PTPRK: variants seen among roughly 807,000 people sequenced by gnomAD.
PTPRK encodes protein tyrosine phosphatase receptor type K.
A neutral mutation model predicts 178.0 loss-of-function variants in PTPRK; 75 were observed. The observed-to-expected ratio is 0.42, with a 90% CI of 0.35 to 0.51. The LOEUF is 0.51. Among genes scored for constraint, PTPRK ranks in the 20% least tolerant of loss-of-function variants. The pLI is 0.02. For missense variants in PTPRK, 1,441 were observed against 1,797.8 expected (o/e 0.80, Z 3.59); for synonymous variants, 637 against 620.6 (o/e 1.03, Z -0.39).
chr6:128,006,894 T>C (rs1778491004), intron 14 of PTPRK, among the ~76,000 whole-genome samples: 1 of 150,928 alleles, frequency 6.6e-6, no homozygotes, highest in African/African-American at 2.4e-5. Flanking sequence ...TATACACCAT[T>C]CTTTTGCAAA....
chr6:128,006,286 A>G (rs1778406653), intron 14 of PTPRK, among the ~76,000 whole-genome samples: 1 of 151,152 alleles, frequency 6.6e-6, no homozygotes, highest in African/African-American at 2.4e-5. Flanking sequence ...AAAATACATA[A>G]TTTGGAAAAA....
rs996709921 is a variant in PTPRK at position 128,272,686 on chromosome 6, G to A, written c.496-30084C>T. On this transcript the variant is annotated intron_variant, in intron 3 of 29. Coordinates refer to ENST00000368226, the MANE Select transcript of PTPRK (RefSeq NM_002844.4). Reference sequence around the variant, plus strand: ...GCCATCTCACACCAGTTAGAATGGCGATCATTAAAAAGTCAGGAAACAACA... The same window carrying A: ...GCCATCTCACACCAGTTAGAATGGCAATCATTAAAAAGTCAGGAAACAACA... Among the ~76,000 whole-genome samples, 6 of 152,196 alleles carry A rather than the reference G, an allele frequency of 3.9e-5. No homozygotes were observed. The East Asian group carries it at 9.7e-4, about 25-fold the overall frequency.
intron 1 of PTPRK, among the ~76,000 whole-genome samples, chr6:128,497,784 T>TTC (rs1445181449): frequency 1.3e-5 from 2 of 152,086 alleles, no homozygotes; most frequent in African/African-American, 4.8e-5. Context: ...AGGTTGTTTT[T>TTC]TTTTTTCCTT....
chr6:128,119,756 T>C (rs917735668), intron 7 of PTPRK, among the ~76,000 whole-genome samples: 1 of 152,028 alleles, frequency 6.6e-6, no homozygotes, highest in African/African-American at 2.4e-5. Flanking sequence ...GTAACTGCAA[T>C]GCTTAGGAGA....
At chr6:128,028,202 T>C (rs372230270) in intron 13 of PTPRK, among the ~76,000 whole-genome samples, 2 of 152,140 alleles carry the variant, frequency 1.3e-5, no homozygotes, top group African/African-American at 4.8e-5. Context: ...GGTAAAATAG[T>C]AACTACAAAT....
At chr6:128,040,298 A>AT (rs1382312490) in intron 13 of PTPRK, among the ~76,000 whole-genome samples, 7 of 152,112 alleles carry the variant, frequency 4.6e-5, no homozygotes, top group South Asian at 2.1e-4. Context: ...TATTTATTTT[A>AT]TTTTTTTTAA....
intron 2 of PTPRK, among the ~76,000 whole-genome samples, chr6:128,383,093 A>T (rs921619714): frequency 4.6e-5 from 7 of 152,188 alleles, no homozygotes; most frequent in African/African-American, 1.4e-4. Context: ...AGAAATAGTC[A>T]CCACTGCTAA....
chr6:128,313,207 T>A lies in PTPRK; in HGVS notation c.495+8832A>T, dbSNP rs568277763. ...GTCACTTACCCTCTGTCAGCCCTTA[T>A]CTCTAAAATAAAAATAGTTGTACTT... On this transcript the variant is annotated intron_variant, in intron 3 of 29. Coordinates refer to ENST00000368226, the MANE Select transcript of PTPRK (RefSeq NM_002844.4). Among the ~76,000 whole-genome samples the A allele has an allele frequency of 2.6e-5, 4 of 152,184 alleles. No homozygotes were observed. The South Asian group carries it at 8.3e-4, about 32-fold the overall frequency.
intron 13 of PTPRK, among the ~76,000 whole-genome samples, chr6:128,049,732 C>T (rs921890420): frequency 2.6e-5 from 4 of 152,234 alleles, no homozygotes; most frequent in South Asian, 4.1e-4. Flanking sequence ...AACAAATAAT[C>T]GCAGTATAAA....
intron 1 of PTPRK, among the ~76,000 whole-genome samples, chr6:128,490,958 C>A (rs983386476): frequency 1.3e-5 from 2 of 152,176 alleles, no homozygotes; most frequent in Admixed American, 6.5e-5. Context: ...CTTATGACAT[C>A]ATTTAACCTT....
At chr6:128,489,852 G>C (rs1853509887) in intron 1 of PTPRK, among the ~76,000 whole-genome samples, 2 of 152,132 alleles carry the variant, frequency 1.3e-5, no homozygotes, top group South Asian at 2.1e-4. Context: ...TATGTATGCA[G>C]TATAATCCAT....
intron 3 of PTPRK, among the ~76,000 whole-genome samples, chr6:128,298,564 T>C (rs1824930160): frequency 6.6e-6 from 1 of 152,110 alleles, no homozygotes; most frequent in Admixed American, 6.5e-5. Flanking sequence ...GCTGGTTCAA[T>C]ATACACAAAT....
At chr6:128,409,941 C>T (rs141278391) in intron 1 of PTPRK, among the ~76,000 whole-genome samples, 8,548 of 152,156 alleles carry the variant, frequency 0.056, 279 homozygotes, top group Non-Finnish European at 0.068. Context: ...TTATCAGCAG[C>T]GTGAAAATGG....
At chr6:128,430,568 T>C (rs1844706715) in intron 1 of PTPRK, among the ~76,000 whole-genome samples, 1 of 152,106 alleles carries the variant, frequency 6.6e-6, no homozygotes, top group Non-Finnish European at 1.5e-5. Context: ...AGAGAGGACA[T>C]GATAACTAGT....
intron 3 of PTPRK, among the ~76,000 whole-genome samples, chr6:128,311,340 T>C (rs959957332): frequency 1.1e-4 from 16 of 152,166 alleles, no homozygotes; most frequent in African/African-American, 3.6e-4. Flanking sequence ...GTCATAAGAT[T>C]GACTTGTAAA....
At chr6:127,983,194 AAAAAAAT>A in intron 23 of PTPRK, 41 bp downstream of exon 23, 1 of 1,477,728 alleles carries the variant, frequency 6.8e-7, no homozygotes, top group Non-Finnish European at 9.0e-7. Flanking sequence ...TTTGTTTGCA[AAAAAAAT>A]AAAAAATAAA....
At chr6:127,971,155 A>C (rs1773857123) in intron 29 of PTPRK, among the ~76,000 whole-genome samples, 1 of 152,192 alleles carries the variant, frequency 6.6e-6, no homozygotes, top group Non-Finnish European at 1.5e-5. Context: ...ATTGGCAATA[A>C]AATTTTTGAG....
chr6:128,172,818 A>G (rs1270934166), intron 7 of PTPRK, among the ~76,000 whole-genome samples: 3 of 151,868 alleles, frequency 2.0e-5, no homozygotes, highest in Admixed American at 6.6e-5. Context: ...TATCTAGCAT[A>G]TATACATATA....
intron 1 of PTPRK, among the ~76,000 whole-genome samples, chr6:128,436,964 A>G (rs1845679155): frequency 6.6e-6 from 1 of 151,306 alleles, no homozygotes; most frequent in Non-Finnish European, 1.5e-5. Context: ...GTGCACTTAG[A>G]AATTGTTTAA....
Sources: allele counts gnomAD v4.1 joint callset (sites outside exome capture counted in the v4.1 genomes callset), GRCh38; gene constraint gnomAD v4.1.1; transcripts MANE v1.5; gene names NCBI Gene and HGNC (gene_info 2026-07-23, HGNC 2026-07-21).